Variants in RBM26 observed in about 807,000 individuals in gnomAD.
RBM26 encodes RNA binding motif protein 26.
RBM26 carries 30 observed loss-of-function variants against 123.6 expected under a neutral mutation model. That is an observed-to-expected ratio of 0.24 (90% CI 0.18 to 0.33). RBM26 has a LOEUF of 0.33. Ranked by LOEUF, RBM26 falls within the 10% of genes least tolerant of loss-of-function variation. RBM26 has a pLI of 1.00. For synonymous variants in RBM26, 400 were observed against 404.4 expected (o/e 0.99, Z 0.13); for missense variants, 947 against 1,203.6 (o/e 0.79, Z 3.15).
At chr13:79,324,257 T>C (rs1304316290) in intron 20 of RBM26, among the ~76,000 whole-genome samples, 2 of 151,882 alleles carry the variant, frequency 1.3e-5, no homozygotes, top group African/African-American at 4.8e-5. Flanking sequence ...GGAAACATAC[T>C]AGTTTATAAC....
chr13:79,350,798 A>C (rs1386209470), intron 14 of RBM26, among the ~76,000 whole-genome samples: 1 of 152,088 alleles, frequency 6.6e-6, no homozygotes, highest in Non-Finnish European at 1.5e-5. Flanking sequence ...ATTCTTTCTA[A>C]GACTTCTTTG....
At chr13:79,359,248 C>T (rs1440002612) in intron 10 of RBM26, among the ~76,000 whole-genome samples, 6 of 152,138 alleles carry the variant, frequency 3.9e-5, no homozygotes, top group African/African-American at 1.4e-4. Context: ...TGATCTATAC[C>T]TCCTTCCTCT....
At chr13:79,327,976 T>C (rs907439709) in intron 20 of RBM26, among the ~76,000 whole-genome samples, 7 of 152,074 alleles carry the variant, frequency 4.6e-5, no homozygotes, top group Non-Finnish European at 1.0e-4. Flanking sequence ...TAATATATAC[T>C]GGCTATGTTA....
At chr13:79,355,818 T>C (rs1159535900) in intron 11 of RBM26, among the ~76,000 whole-genome samples, 2 of 151,032 alleles carry the variant, frequency 1.3e-5, no homozygotes, top group African/African-American at 4.9e-5. Context: ...CCCAAATTTG[T>C]AATTCTCACA....
At chr13:79,354,086 TTAAG>T (rs1255887453) in intron 13 of RBM26, among the ~76,000 whole-genome samples, 3 of 152,140 alleles carry the variant, frequency 2.0e-5, no homozygotes, top group African/African-American at 7.2e-5. Flanking sequence ...AGAATTCTAA[TTAAG>T]TAAAAAGATG....
intron 3 of RBM26, among the ~76,000 whole-genome samples, chr13:79,373,464 AT>A (rs2076282957): frequency 1.5e-5 from 1 of 66,340 alleles, no homozygotes; most frequent in Non-Finnish European, 2.6e-5. Flanking sequence ...AATATATATA[AT>A]ATGTATAAAT....
exon 5 of RBM26, chr13:79,311,860 C>T (rs2066907390): frequency 6.6e-6 from 1 of 151,684 alleles, no homozygotes; most frequent in Non-Finnish European, 1.5e-5. Context: ...TAAAAATTTT[C>T]AAAATATAAA....
intron 1 of RBM26, among the ~76,000 whole-genome samples, chr13:79,386,415 A>G (rs2077484022): frequency 7.5e-6 from 1 of 134,006 alleles, no homozygotes; most frequent in Non-Finnish European, 1.8e-5. Context: ...TTCTAAATTA[A>G]ATAAAAAAAA....
Position 79,319,080 on chromosome 13 carries a change from A to C in RBM26, c.*1541T>G. ...GTAGACACGAATTGCAAGGCAAAGC[A>C]TTTCTATGAAATAGTGTTACCATCA... On this transcript the variant is annotated 3_prime_UTR_variant, in exon 22 of 22. Transcript: ENST00000438737. 1.0e-6 allele frequency: 1 copy of C among 984,382 alleles called. No homozygotes were observed. Among genetic ancestry groups the C allele is most frequent in the African/African-American group, 1.7e-5 (1 of 57,246 alleles). The allele number at this position is 984,382 out of a possible 1,614,324, so 61.0% of individuals were successfully genotyped here.
chr13:79,340,218 T>A (rs61966652), intron 18 of RBM26, among the ~76,000 whole-genome samples: 4,641 of 152,074 alleles, frequency 0.031, 191 homozygotes, highest in Admixed American at 0.052. Flanking sequence ...CACATCAAGT[T>A]TCCAGAGAAT....
chr13:79,326,774 C>T (rs73232533), intron 20 of RBM26, among the ~76,000 whole-genome samples: 7,095 of 151,830 alleles, frequency 0.047, 235 homozygotes, highest in Non-Finnish European at 0.071. Flanking sequence ...ATAGAGATAC[C>T]TGACAAAAAT....
At chr13:79,369,043 A>G (rs2075614361) in intron 5 of RBM26, 53 bp from the exon 6 acceptor site, 3 of 999,208 alleles carry the variant, frequency 3.0e-6, no homozygotes, top group East Asian at 5.4e-5. Flanking sequence ...AAAAAAAAAA[A>G]GTCCCAGATC....
rs398023598 is a variant in RBM26 at position 79,386,591 on chromosome 13, T to TAAAAAAAAAAA, written c.72-7695_72-7685dup. On this transcript the variant is annotated intron_variant, in intron 1 of 21. Transcript: ENST00000438737. ...ACATCAAGCCACAGAACTCTCTCTT[T>TAAAAAAAAAAA]AAAAAAAAAAAAAAAAAAAAGGTGT... Among the ~76,000 whole-genome samples, 32 of 92,814 alleles carry TAAAAAAAAAAA rather than the reference T, an allele frequency of 3.4e-4. 2 individuals are homozygous for TAAAAAAAAAAA. In the East Asian group the frequency reaches 3.7e-3, roughly 11 times the overall value. 60.9% of individuals were successfully genotyped at this position (92,814 alleles called of 152,430 possible).
intron 1 of RBM26, among the ~76,000 whole-genome samples, chr13:79,404,763 T>C (rs1001948519): frequency 2.0e-5 from 3 of 152,220 alleles, no homozygotes; most frequent in Non-Finnish European, 4.4e-5. Flanking sequence ...CAATGTGAAA[T>C]AGCCCCCCTC....
rs774817757 is a variant in RBM26, at chr13:79,344,751, G to A, written c.2102C>T (p.Pro701Leu). 1.9e-6 allele frequency: 3 copies of A among 1,612,678 alleles called. No individual in the cohort carries two copies. The highest frequency in any genetic ancestry group is 2.2e-5 in the South Asian group (2 of 90,998). Residue 701 changes from proline (P) to leucine (L), a missense_variant, in exon 15 of 22, where the codon CCA (proline) becomes CTA (leucine). Physicochemically the swap from Pro to Leu is moderately conservative, Grantham distance 98. Transcript: ENST00000438737. The stretch of plus-strand genomic sequence containing the variant: ...TTTCTGTGCAGCCTTCAAAGCAGCT[G>A]GATTATACACTGTTTTTGTTAGGCC... ...STGLTKTVYN[P>L]AALKAAQKTL...
intron 8 of RBM26, 103 bp downstream of exon 8, chr13:79,365,952 A>AG: frequency 8.6e-7 from 1 of 1,156,110 alleles, no homozygotes; most frequent in Non-Finnish European, 1.2e-6. Flanking sequence ...ACATAATTTT[A>AG]GTGAGAAAAG....
In RBM26 at chr13:79,370,904, T is replaced by TG. The variant is rs1448323390; in HGVS notation, c.634+40dup. ...AGCAATTTTTAAAAACATTTAAACA[T>TG]GGAGTTTTTCATAAAAAGATAACCA... is the stretch of plus-strand genomic sequence containing the variant. On this transcript the variant is annotated intron_variant, in intron 5 of 21. Coordinates refer to ENST00000438737, the MANE Select transcript of RBM26 (RefSeq NM_001366735.2). 11 of 1,567,032 alleles carry TG rather than the reference T, an allele frequency of 7.0e-6. No individual in the cohort carries two copies. The East Asian group carries it at 2.5e-4, about 35-fold the overall frequency.
chr13:79,380,876 A>C (rs2077022090), intron 1 of RBM26, among the ~76,000 whole-genome samples: 1 of 152,068 alleles, frequency 6.6e-6, no homozygotes, highest in Admixed American at 6.5e-5. Context: ...ATACAGCATT[A>C]ATCTTTCTGT....
chr13:79,365,435 T>A (rs2075160202), intron 9 of RBM26, 143 bp downstream of exon 9: 1 of 683,762 alleles, frequency 1.5e-6, no homozygotes, highest in African/African-American at 1.8e-5. Context: ...AGAGTGAGAC[T>A]CTGTCTCCAA....
Sources: allele counts gnomAD v4.1 joint callset (sites outside exome capture counted in the v4.1 genomes callset), GRCh38; gene constraint gnomAD v4.1.1; transcripts MANE v1.5; gene names NCBI Gene and HGNC (gene_info 2026-07-23, HGNC 2026-07-21).